The following RAB3IP variants were observed in gnomAD, a reference collection of about 807,000 sequenced individuals.
RAB3IP encodes rab-3A-interacting protein.
In RAB3IP, 36 loss-of-function variants were observed where a neutral mutation model predicts 59.1. That is an observed-to-expected ratio of 0.61 (90% CI 0.47 to 0.80). RAB3IP has a LOEUF of 0.80. Among genes scored for constraint, RAB3IP ranks in the 30% least tolerant of loss-of-function variants. The pLI, the probability that RAB3IP is intolerant of heterozygous loss-of-function variation, is 0.00. For missense variants in RAB3IP, 511 were observed against 536.0 expected, an observed-to-expected ratio of 0.95 and a Z score of 0.46; for synonymous variants, 207 against 191.2, an observed-to-expected ratio of 1.08 and a Z score of -0.68.
chr12:69,741,172 T>TTGTG (rs1203991019), intron 1 of RAB3IP, among the ~76,000 whole-genome samples: 3 of 152,230 alleles, frequency 2.0e-5, no homozygotes, highest in Non-Finnish European at 4.4e-5. Context: ...GTGAGCTTGA[T>TTGTG]TGTGTGCAAG....
intron 10 of RAB3IP, among the ~76,000 whole-genome samples, chr12:69,814,252 A>T (rs770605114): frequency 2.0e-4 from 30 of 152,212 alleles, no homozygotes; most frequent in Non-Finnish European, 3.5e-4. Context: ...AATTTACTTT[A>T]TGAAAATAGG....
chr12:69,813,748 T>C (rs987186786), intron 10 of RAB3IP, among the ~76,000 whole-genome samples: 1 of 152,100 alleles, frequency 6.6e-6, no homozygotes, highest in African/African-American at 2.4e-5. Flanking sequence ...TGCCAGTTAG[T>C]ATTTAAAGTT....
intron 3 of RAB3IP, among the ~76,000 whole-genome samples, chr12:69,762,097 G>C (rs1316877722): frequency 2.0e-5 from 3 of 152,152 alleles, no homozygotes; most frequent in Admixed American, 6.5e-5. Flanking sequence ...TGGTGGGCTG[G>C]GTAATGTAAT....
intron 3 of RAB3IP, among the ~76,000 whole-genome samples, chr12:69,764,068 A>T (rs1221363600): frequency 2.0e-5 from 3 of 152,172 alleles, no homozygotes; most frequent in African/African-American, 7.2e-5. Flanking sequence ...TGGGATGAAC[A>T]TGTGAGTGCA....
rs970369848 is a variant in RAB3IP, at chr12:69,819,495, T to A, written c.*4049T>A. ...TCCAGGAGAAAATTTGGGGAGTAGTTAGCCATGGGATCAGATGGGCGCTTT... is the reference window on the plus strand; with the variant it reads ...TCCAGGAGAAAATTTGGGGAGTAGTAAGCCATGGGATCAGATGGGCGCTTT... On this transcript the variant is annotated 3_prime_UTR_variant, in exon 11 of 11. Coordinates refer to ENST00000247833, the MANE Select transcript of RAB3IP (RefSeq NM_022456.5). 2.0e-5 allele frequency: 3 copies of A among 152,320 alleles called. No homozygotes were observed. Among genetic ancestry groups the A allele is most frequent in the African/African-American group, 7.2e-5 (3 of 41,430 alleles). 9.4% of individuals were successfully genotyped at this position (152,320 alleles called of 1,614,324 possible).
At chr12:69,765,784 C>G (rs534546818) in intron 3 of RAB3IP, among the ~76,000 whole-genome samples, 3 of 152,316 alleles carry the variant, frequency 2.0e-5, no homozygotes, top group Admixed American at 6.5e-5. Context: ...AGGTATCATT[C>G]TTTTGTTTCT....
rs1046729820 is a variant in RAB3IP, at chr12:69,820,878, C to G, written c.*5432C>G. On this transcript the variant is annotated 3_prime_UTR_variant, in exon 11 of 11. Transcript: ENST00000247833. ...CGTCTGAAAAAAAAAAAAAAAAACC[C>G]AAACTCAATAGAAAATCAAGTTTTC... The G allele has an allele frequency of 9.4e-6, 1 of 105,900 alleles. No individual in the cohort carries two copies. The highest frequency in any genetic ancestry group is 1.0e-4 in the Admixed American group (1 of 9,556). 6.6% of individuals were successfully genotyped at this position (105,900 alleles called of 1,614,324 possible). A position where few individuals can be genotyped will look rare whatever the true frequency, so the allele number is the denominator to read the frequency against.
intron 4 of RAB3IP, among the ~76,000 whole-genome samples, chr12:69,791,839 A>C (rs565302716): frequency 2.1e-4 from 32 of 152,344 alleles, no homozygotes; most frequent in Non-Finnish European, 3.7e-4. Context: ...GAAAATTGCT[A>C]TCCTGATGAG....
At chr12:69,766,241 A>G (rs562977231) in intron 3 of RAB3IP, among the ~76,000 whole-genome samples, 1 of 152,160 alleles carries the variant, frequency 6.6e-6, no homozygotes, top group Non-Finnish European at 1.5e-5. Flanking sequence ...TACTCCCTCA[A>G]ATATGTTTTC....
chr12:69,803,759 T>C (rs1051415129), intron 8 of RAB3IP, among the ~76,000 whole-genome samples: 7 of 152,164 alleles, frequency 4.6e-5, no homozygotes, highest in African/African-American at 1.7e-4. Flanking sequence ...TTGGTTTTTT[T>C]GTCCTTGCGA....
At chr12:69,758,131 A>G (rs958947647) in intron 3 of RAB3IP, among the ~76,000 whole-genome samples, 1 of 152,244 alleles carries the variant, frequency 6.6e-6, no homozygotes, top group South Asian at 2.1e-4. Context: ...AACTATGTCA[A>G]CAGCCATTTT....
Position 69,739,824 on chromosome 12 carries a change from C to T in RAB3IP, c.-26+793C>T, listed in dbSNP as rs375904728. On this transcript the variant is annotated intron_variant, in intron 1 of 10. Coordinates refer to ENST00000247833, the MANE Select transcript of RAB3IP (RefSeq NM_022456.5). The stretch of plus-strand genomic sequence containing the variant: ...TGATGATGCTGGGTGGAAGTCGCAG[C>T]ATGTGAAGAGTTGCCGGTTGTTATG... The T allele has an allele frequency of 3.7e-4, 595 of 1,613,848 alleles. 1 individual carries two copies. Among genetic ancestry groups the T allele is most frequent in the Non-Finnish European group, 4.9e-4 (583 of 1,179,892 alleles).
At chr12:69,814,960 T>C (rs1880965858) in intron 10 of RAB3IP, among the ~76,000 whole-genome samples, 1 of 152,192 alleles carries the variant, frequency 6.6e-6, no homozygotes, top group Admixed American at 6.5e-5. Flanking sequence ...CACCCTCTGG[T>C]AGTGTTAATG....
At chr12:69,740,000 C>T (rs1274549795) in intron 1 of RAB3IP, 1 of 776,828 alleles carries the variant, frequency 1.3e-6, no homozygotes, top group Non-Finnish European at 2.2e-6. Context: ...CAACTCCTTC[C>T]GTTCAGTGTC....
chr12:69,799,925 A>G (rs559496439), intron 6 of RAB3IP, among the ~76,000 whole-genome samples: 2 of 152,146 alleles, frequency 1.3e-5, no homozygotes, highest in Non-Finnish European at 2.9e-5. Flanking sequence ...GTGTTATTGA[A>G]CATGGTAGTG....
At chr12:69,764,197 T>C (rs1057361452) in intron 3 of RAB3IP, among the ~76,000 whole-genome samples, 1 of 152,176 alleles carries the variant, frequency 6.6e-6, no homozygotes, top group African/African-American at 2.4e-5. Context: ...GTTTCCTAGG[T>C]TTTTTTCTAG....
intron 8 of RAB3IP, among the ~76,000 whole-genome samples, chr12:69,811,353 G>GTA (rs776434597): frequency 3.3e-5 from 5 of 152,002 alleles, no homozygotes; most frequent in Non-Finnish European, 5.9e-5. Context: ...GTTTACCTAT[G>GTA]TAATAAACCT....
At chr12:69,807,614 G>A (rs796984476) in intron 8 of RAB3IP, among the ~76,000 whole-genome samples, 12 of 148,764 alleles carry the variant, frequency 8.1e-5, no homozygotes, top group Admixed American at 3.3e-4. Flanking sequence ...TGGGGCGGCC[G>A]GGCAGAGGCG....
At chr12:69,802,760 T>G (rs990199437) in intron 8 of RAB3IP, among the ~76,000 whole-genome samples, 2 of 152,202 alleles carry the variant, frequency 1.3e-5, no homozygotes, top group African/African-American at 4.8e-5. Flanking sequence ...TGTGCTTGTT[T>G]CTATTCCCTG....
Sources: allele counts gnomAD v4.1 joint callset (sites outside exome capture counted in the v4.1 genomes callset), GRCh38; gene constraint gnomAD v4.1.1; transcripts MANE v1.5; gene names NCBI Gene and HGNC (gene_info 2026-07-23, HGNC 2026-07-21).